Variants in RAB5C observed in about 807,000 individuals in gnomAD.
RAB5C encodes ras-related protein Rab-5C.
In RAB5C, 4 loss-of-function variants were observed where a neutral mutation model predicts 25.2. That is an observed-to-expected ratio of 0.16 (90% CI 0.08 to 0.36). The LOEUF is 0.36. RAB5C is among the 10% of genes least tolerant of loss of function. The probability of loss-of-function intolerance (pLI) is 1.00; values close to 1 mark genes in which losing one functional copy is unlikely to be tolerated. For synonymous variants in RAB5C, 100 were observed against 106.4 expected (o/e 0.94, Z 0.37); for missense variants, 199 against 283.8 (o/e 0.70, Z 2.15).
intron 1 of RAB5C, among the ~76,000 whole-genome samples, chr17:42,142,015 C>G (rs1450191341): frequency 6.6e-6 from 1 of 152,066 alleles, no homozygotes; most frequent in African/African-American, 2.4e-5. Flanking sequence ...CCTCAGTTTC[C>G]TAGAAGATAC....
At chr17:42,141,585 C>G (rs2079603664) in intron 1 of RAB5C, among the ~76,000 whole-genome samples, 1 of 152,166 alleles carries the variant, frequency 6.6e-6, no homozygotes, top group Non-Finnish European at 1.5e-5. Context: ...TGAGGAGCTG[C>G]CTCACTTCCC....
intron 5 of RAB5C, 100 bp from the exon 6 acceptor site, chr17:42,125,998 C>T (rs1004755918): frequency 2.4e-6 from 2 of 834,676 alleles, no homozygotes; most frequent in Admixed American, 4.6e-5. Context: ...TCAGTGGTAA[C>T]TCACATATTG....
intron 1 of RAB5C, among the ~76,000 whole-genome samples, chr17:42,150,253 A>G (rs112098825): frequency 0.076 from 11,530 of 151,926 alleles, 573 homozygotes; most frequent in African/African-American, 0.13. Context: ...GGCATGAGCC[A>G]CTGTGCCCAG....
intron 1 of RAB5C, among the ~76,000 whole-genome samples, chr17:42,131,393 AACAC>A (rs1009914322): frequency 1.3e-5 from 2 of 151,600 alleles, no homozygotes; most frequent in Non-Finnish European, 2.9e-5. Context: ...CACACACACA[AACAC>A]ACACAGAAAC....
At chr17:42,149,186 C>A (rs535751297) in intron 1 of RAB5C, among the ~76,000 whole-genome samples, 19 of 152,244 alleles carry the variant, frequency 1.2e-4, no homozygotes, top group Non-Finnish European at 2.4e-4. Flanking sequence ...TAAAGCAGTG[C>A]TTCTCAAACA....
At chr17:42,147,136 AAGAAAGAAAGAGAG>A (rs1056850904) in intron 1 of RAB5C, among the ~76,000 whole-genome samples, 3 of 124,638 alleles carry the variant, frequency 2.4e-5, no homozygotes, top group African/African-American at 1.4e-4. Flanking sequence ...GAAAGAAAGA[AAGAAAGAAAGAGAG>A]AGAGAGAGAG....
chr17:42,151,848 A>G (rs2079673694), intron 1 of RAB5C, among the ~76,000 whole-genome samples: 1 of 152,134 alleles, frequency 6.6e-6, no homozygotes, highest in Non-Finnish European at 1.5e-5. Context: ...GGTCGGGTAG[A>G]CGCTGGGGAA....
chr17:42,137,866 A>G (rs1239544749), intron 1 of RAB5C: 1 of 152,014 alleles, frequency 6.6e-6, no homozygotes, highest in Non-Finnish European at 1.5e-5. Context: ...CGGCCTGGCG[A>G]GAGAGCGAGA....
intron 1 of RAB5C, among the ~76,000 whole-genome samples, chr17:42,130,819 AAC>A (rs1386614519): frequency 2.6e-4 from 40 of 151,984 alleles, no homozygotes; most frequent in Admixed American, 5.9e-4. Flanking sequence ...ATGGTCTCCC[AAC>A]TTCAGGCTCA....
chr17:42,150,128 C>A (rs1286102390), intron 1 of RAB5C, among the ~76,000 whole-genome samples: 1 of 151,442 alleles, frequency 6.6e-6, no homozygotes, highest in Non-Finnish European at 1.5e-5. Context: ...CAGGTGATCT[C>A]CCAGCCTCAG....
At chr17:42,149,687 G>T (rs891267117) in intron 1 of RAB5C, among the ~76,000 whole-genome samples, 1 of 151,978 alleles carries the variant, frequency 6.6e-6, no homozygotes, top group African/African-American at 2.4e-5. Context: ...ATATTAAAAC[G>T]CTTACAACTA....
chr17:42,148,889 T>C (rs2079653201), intron 1 of RAB5C, among the ~76,000 whole-genome samples: 1 of 152,056 alleles, frequency 6.6e-6, no homozygotes, highest in African/African-American at 2.4e-5. Context: ...CACTCTAACA[T>C]GGGGATTAAA....
chr17:42,129,106 G>GAGGGAAAGCCT (rs1211498802), intron 2 of RAB5C, among the ~76,000 whole-genome samples: 1 of 152,146 alleles, frequency 6.6e-6, no homozygotes, highest in Non-Finnish European at 1.5e-5. Flanking sequence ...AGGGGCAAGA[G>GAGGGAAAGCCT]AGGGAAAGCC....
intron 1 of RAB5C, among the ~76,000 whole-genome samples, chr17:42,137,049 T>C (rs1427973748): frequency 6.6e-6 from 1 of 152,150 alleles, no homozygotes; most frequent in Non-Finnish European, 1.5e-5. Flanking sequence ...CTCATGCCTG[T>C]AATCCCAGCA....
chr17:42,139,013 T>A (rs1276521695), intron 1 of RAB5C, among the ~76,000 whole-genome samples: 1 of 152,198 alleles, frequency 6.6e-6, no homozygotes, highest in African/African-American at 2.4e-5. Flanking sequence ...CCTTCCCTGA[T>A]CCCTGAGCTT....
intron 1 of RAB5C, 128 bp downstream of exon 1, chr17:42,154,765 T>G (rs954414679): frequency 6.6e-6 from 1 of 152,364 alleles, no homozygotes; most frequent in East Asian, 1.9e-4. Context: ...GGGGAGCCCC[T>G]CAAGAGGGGG....
At chr17:42,130,228 C>G in intron 2 of RAB5C, 109 bp downstream of exon 2, 1 of 1,435,044 alleles carries the variant, frequency 7.0e-7, no homozygotes, top group Non-Finnish European at 9.3e-7. Context: ...GCTGCCACCA[C>G]AGACGCATTT....
At chr17:42,127,850 A>G (rs1351186168) in intron 4 of RAB5C, among the ~76,000 whole-genome samples, 1 of 143,280 alleles carries the variant, frequency 7.0e-6, no homozygotes, top group East Asian at 2.0e-4. Context: ...TTTTAAAGAG[A>G]TGGGGCCTCA....
At position 42,140,509 on chromosome 17, in the gene RAB5C, ATATATATTTTTTTTTT is replaced by A. The variant is rs1374358915; in HGVS notation, c.-88-9935_-88-9920del. Among the ~76,000 whole-genome samples, 14 of 36,204 alleles carry A rather than the reference ATATATATTTTTTTTTT, an allele frequency of 3.9e-4. No individual in the cohort carries two copies. The African/African-American group carries it at 4.4e-3, about 11-fold the overall frequency. The allele number at this position is 36,204 out of a possible 152,430, so 23.8% of individuals were successfully genotyped here. ...AATATATATATATATATATATATAT[ATATATATTTTTTTTTT>A]TTTTTTTTTTTTTTTTGAGATGGAG... is the stretch of plus-strand genomic sequence containing the variant. On this transcript the variant is annotated intron_variant, in intron 1 of 5. Coordinates refer to ENST00000346213, the MANE Select transcript of RAB5C (RefSeq NM_004583.4).
Sources: allele counts gnomAD v4.1 joint callset (sites outside exome capture counted in the v4.1 genomes callset), GRCh38; gene constraint gnomAD v4.1.1; transcripts MANE v1.5; gene names NCBI Gene and HGNC (gene_info 2026-07-23, HGNC 2026-07-21).